COLEC12: variants seen among roughly 807,000 people sequenced by gnomAD.
The protein encoded by COLEC12 is collectin-12.
A neutral mutation model predicts 71.1 loss-of-function variants in COLEC12; 33 were observed. The ratio of observed to expected loss-of-function variants is 0.46; its 90% CI spans 0.35 to 0.62. The LOEUF is 0.62. Ranked by LOEUF, COLEC12 falls within the 20% of genes least tolerant of loss-of-function variation. COLEC12 has a pLI of 0.00. For synonymous variants in COLEC12, 350 were observed against 353.0 expected (o/e 0.99, Z 0.10); for missense variants, 765 against 916.1 (o/e 0.84, Z 2.13).
At chr18:373,470 G>C (rs1363771372) in intron 2 of COLEC12, among the ~76,000 whole-genome samples, 1 of 152,194 alleles carries the variant, frequency 6.6e-6, no homozygotes, top group Non-Finnish European at 1.5e-5. Flanking sequence ...TGAAGGGTTT[G>C]TACTAATTCC....
chr18:480,760 G>A lies in COLEC12; in HGVS notation c.8-3C>T, dbSNP rs1173408843. 1.2e-6 allele frequency: 2 copies of A among 1,613,858 alleles called. No individual in the cohort carries two copies. Among genetic ancestry groups the A allele is most frequent in the Admixed American group, 3.3e-5 (2 of 60,010 alleles). ...CTCCTCCTCCTCTGCGAAGTCGTCTGTGAGAGAAGAAGAGACACGATGTTA... is the reference window on the plus strand; with the variant it reads ...CTCCTCCTCCTCTGCGAAGTCGTCTATGAGAGAAGAAGAGACACGATGTTA... On this transcript the variant is annotated splice_polypyrimidine_tract_variant and splice_region_variant and intron_variant, in intron 1 of 9. Coordinates refer to ENST00000400256, the MANE Select transcript of COLEC12 (RefSeq NM_130386.3). This position sits in a 1 kb window ranked among gnomAD's most constrained non-coding sequence, Gnocchi z 4.1.
intron 2 of COLEC12, among the ~76,000 whole-genome samples, chr18:479,857 G>A (rs1917379179): frequency 6.6e-6 from 1 of 152,224 alleles, no homozygotes; most frequent in South Asian, 2.1e-4. Context: ...TCCTCTTACA[G>A]TTCTGGGGGC....
Position 480,975 on chromosome 18 carries a change from C to T in COLEC12, c.8-218G>A, listed in dbSNP as rs771527012. On this transcript the variant is annotated intron_variant, in intron 1 of 9. Coordinates refer to ENST00000400256, the MANE Select transcript of COLEC12 (RefSeq NM_130386.3). This position sits in a 1 kb window ranked among gnomAD's most constrained non-coding sequence, Gnocchi z 4.1. ...TCCTCTGTTCCTAATGTGACTCCTT[C>T]GAATTCAGGTCTTAGCTAAAGTGCG... is the stretch of plus-strand genomic sequence containing the variant. Among the ~76,000 whole-genome samples, 59 of 152,210 alleles carry T rather than the reference C, an allele frequency of 3.9e-4. 1 individual carries two copies. The highest frequency in any genetic ancestry group is 5.6e-4 in the Non-Finnish European group (38 of 68,008).
chr18:358,805 C>T (rs1914682721), intron 2 of COLEC12, among the ~76,000 whole-genome samples: 1 of 152,140 alleles, frequency 6.6e-6, no homozygotes, highest in African/African-American at 2.4e-5. Flanking sequence ...TGTTACTGTA[C>T]TGACAGGCAA....
In COLEC12 at chr18:362,723, C is replaced by A. The variant is rs994504095; in HGVS notation, c.59-5201G>T. ...GTGCCAAAGAACCTGGCGCCAATAG[C>A]ACATTTGAAATTCAGAGGCCTACAG... On this transcript the variant is annotated intron_variant, in intron 2 of 9. Transcript: ENST00000400256. This position sits in a 1 kb window ranked among gnomAD's most constrained non-coding sequence, Gnocchi z 4.6. Among the ~76,000 whole-genome samples the A allele has an allele frequency of 6.6e-6, 1 of 152,122 alleles. No individual in the cohort carries two copies. Among genetic ancestry groups the A allele is most frequent in the African/African-American group, 2.4e-5 (1 of 41,424 alleles).
chr18:359,178 C>T (rs1477044636), intron 2 of COLEC12, among the ~76,000 whole-genome samples: 1 of 152,138 alleles, frequency 6.6e-6, no homozygotes, highest in African/African-American at 2.4e-5. Context: ...TAAGAGCCAA[C>T]TGTTAAATTT....
At chr18:442,216 T>G (rs1219500061) in intron 2 of COLEC12, among the ~76,000 whole-genome samples, 1 of 152,208 alleles carries the variant, frequency 6.6e-6, no homozygotes, top group Admixed American at 6.5e-5. Flanking sequence ...TAAAGGCTAC[T>G]GTGGCTCTCC....
chr18:372,527 C>G (rs893020314), intron 2 of COLEC12, among the ~76,000 whole-genome samples: 3 of 152,118 alleles, frequency 2.0e-5, no homozygotes, highest in Non-Finnish European at 4.4e-5. Flanking sequence ...AAGCAATTCT[C>G]CCACCGTAGC....
intron 2 of COLEC12, among the ~76,000 whole-genome samples, chr18:392,941 T>C (rs1567894412): frequency 6.6e-6 from 1 of 152,246 alleles, no homozygotes; most frequent in Non-Finnish European, 1.5e-5. Context: ...CACCAATGAA[T>C]AGAAGCTCAA....
intron 2 of COLEC12, among the ~76,000 whole-genome samples, chr18:428,213 A>G (rs1390647936): frequency 6.6e-6 from 1 of 151,956 alleles, no homozygotes; most frequent in Non-Finnish European, 1.5e-5. Flanking sequence ...GCGTGAGCTG[A>G]GATCCTGTCA....
At chr18:471,790 A>C (rs550619507) in intron 2 of COLEC12, among the ~76,000 whole-genome samples, 1 of 152,142 alleles carries the variant, frequency 6.6e-6, no homozygotes, top group South Asian at 2.1e-4. Context: ...TTAATTCCTC[A>C]CCAACCATTC....
At chr18:412,919 G>A (rs1178238136) in intron 2 of COLEC12, among the ~76,000 whole-genome samples, 2 of 152,074 alleles carry the variant, frequency 1.3e-5, no homozygotes, top group Non-Finnish European at 2.9e-5. Flanking sequence ...TAAAAAACAG[G>A]TAACAATGAC....
intron 2 of COLEC12, among the ~76,000 whole-genome samples, chr18:376,319 T>C (rs550567500): frequency 6.6e-6 from 1 of 152,304 alleles, no homozygotes; most frequent in Admixed American, 6.5e-5. Flanking sequence ...AAAAATGTAA[T>C]ACAGTCTGCC....
intron 2 of COLEC12, among the ~76,000 whole-genome samples, chr18:433,269 T>C (rs1158893503): frequency 6.6e-6 from 1 of 152,188 alleles, no homozygotes; most frequent in African/African-American, 2.4e-5. Context: ...GTCATATCAT[T>C]AAAATGGTTG....
At chr18:356,047 G>T (rs370329703) in intron 3 of COLEC12, among the ~76,000 whole-genome samples, 2 of 152,090 alleles carry the variant, frequency 1.3e-5, no homozygotes, top group African/African-American at 2.4e-5. Context: ...TATTTTCCAC[G>T]TATATGGCCT....
chr18:459,452 G>A lies in COLEC12; in HGVS notation c.58+21255C>T, dbSNP rs1017913575. Among the ~76,000 whole-genome samples, 6 of 152,174 alleles carry A rather than the reference G, an allele frequency of 3.9e-5. No individual in the cohort carries two copies. In the South Asian group the frequency reaches 6.2e-4, roughly 16 times the overall value. On this transcript the variant is annotated intron_variant, in intron 2 of 9. Coordinates refer to ENST00000400256, the MANE Select transcript of COLEC12 (RefSeq NM_130386.3). ...AGCATGCACAATGTCTGGCACACAGGTAAGGAATGGATTTATAAGTGACAC... is the reference window on the plus strand; with the variant it reads ...AGCATGCACAATGTCTGGCACACAGATAAGGAATGGATTTATAAGTGACAC...
At chr18:325,962 A>G (rs942353701) in intron 8 of COLEC12, among the ~76,000 whole-genome samples, 3 of 152,116 alleles carry the variant, frequency 2.0e-5, no homozygotes, top group Admixed American at 1.3e-4. Flanking sequence ...CTGGTTTTAT[A>G]GATCCTTTCT....
At chr18:461,212 C>A (rs562722199) in intron 2 of COLEC12, among the ~76,000 whole-genome samples, 1 of 152,154 alleles carries the variant, frequency 6.6e-6, no homozygotes, top group South Asian at 2.1e-4. Flanking sequence ...ATAATGCAAG[C>A]CACATGTGTA....
chr18:486,031 C>G (rs1190821766), intron 1 of COLEC12, among the ~76,000 whole-genome samples: 1 of 152,184 alleles, frequency 6.6e-6, no homozygotes, highest in Non-Finnish European at 1.5e-5. Flanking sequence ...ACATGTCACT[C>G]TCTTTCCCAC....
Sources: allele counts gnomAD v4.1 joint callset (sites outside exome capture counted in the v4.1 genomes callset), GRCh38; gene constraint gnomAD v4.1.1; non-coding constraint Gnocchi (gnomAD v3.1); transcripts MANE v1.5; gene names NCBI Gene and HGNC (gene_info 2026-07-23, HGNC 2026-07-21).